MDN1: variants seen among roughly 807,000 people sequenced by gnomAD.
MDN1 encodes the protein midasin.
Under a neutral mutation model 669.2 loss-of-function variants are expected in MDN1, and 266 were observed. That is an observed-to-expected ratio of 0.40 (90% confidence interval 0.36 to 0.44). MDN1 has a LOEUF of 0.44. MDN1 is among the 20% of genes least tolerant of loss of function. MDN1 has a pLI of 1.00. For missense variants in MDN1, 5,940 were observed against 6,754.0 expected, an observed-to-expected ratio of 0.88 and a Z score of 4.22; for synonymous variants, 2,385 against 2,457.1, an observed-to-expected ratio of 0.97 and a Z score of 0.87.
intron 15 of MDN1, among the ~76,000 whole-genome samples, chr6:89,769,325 T>C (rs1396573370): frequency 6.6e-6 from 1 of 152,188 alleles, no homozygotes; most frequent in East Asian, 1.9e-4. Context: ...ACAGAATATA[T>C]GTTAAAAGAT....
At chr6:89,790,527 C>T in intron 5 of MDN1, 126 bp from the exon 6 acceptor site, 1 of 1,141,378 alleles carries the variant, frequency 8.8e-7, no homozygotes. Flanking sequence ...AGTACCAAAA[C>T]TATAATAACA....
intron 53 of MDN1, among the ~76,000 whole-genome samples, chr6:89,703,643 G>A (rs1378033278): frequency 6.6e-6 from 1 of 152,118 alleles, no homozygotes; most frequent in Non-Finnish European, 1.5e-5. Flanking sequence ...TACAAAAAAA[G>A]AAGGACTGGC....
chr6:89,730,728 C>T lies in MDN1; in HGVS notation c.5138G>A (p.Arg1713Lys), dbSNP rs1215571248. Residue 1713 changes from arginine to lysine, a missense_variant and splice_region_variant, in exon 35 of 102, where the codon AGG (arginine) becomes AAG (lysine). This residue lies in a region of MDN1 where 2,292 missense variants were observed against 2,638.3 expected (regional missense o/e 0.87). Transcript: ENST00000369393. ...LWGIHPFFIP[R>K]GPVLHRNNIA... ...CATTTTTTAAAAATCATTCTTACCC[C>T]TTGGTATAAAAAATGGATGAATTCC... The T allele has an allele frequency of 6.2e-7, 1 of 1,611,158 alleles. No homozygotes were observed. Among genetic ancestry groups the T allele is most frequent in the Non-Finnish European group, 8.5e-7 (1 of 1,178,868 alleles).
intron 33 of MDN1, among the ~76,000 whole-genome samples, chr6:89,734,691 A>AAAAACGAGAGAGAGAG (rs1554188774): frequency 2.7e-5 from 3 of 112,996 alleles, no homozygotes; most frequent in African/African-American, 3.5e-5. Context: ...AAAAAAAAAC[A>AAAAACGAGAGAGAGAG]AGAGAGAGAG....
chr6:89,727,011 T>C (rs1410033179), intron 37 of MDN1, among the ~76,000 whole-genome samples: 4 of 152,152 alleles, frequency 2.6e-5, no homozygotes, highest in Non-Finnish European at 5.9e-5. Context: ...GTATGGTCAG[T>C]AGCCTTCAGC....
intron 33 of MDN1, among the ~76,000 whole-genome samples, chr6:89,735,900 G>A (rs1208583471): frequency 6.6e-6 from 1 of 152,076 alleles, no homozygotes; most frequent in Non-Finnish European, 1.5e-5. Context: ...CATGCCTGTA[G>A]TCCCAGCTAC....
intron 1 of MDN1, among the ~76,000 whole-genome samples, chr6:89,817,099 C>T (rs1456215399): frequency 6.6e-6 from 1 of 152,174 alleles, no homozygotes; most frequent in Non-Finnish European, 1.5e-5. Context: ...GCCCCCCTCA[C>T]CCTTCGAGTT....
chr6:89,711,982 T>C, intron 49 of MDN1, 54 bp downstream of exon 49: 3 of 1,426,544 alleles, frequency 2.1e-6, no homozygotes, highest in Non-Finnish European at 2.9e-6. Flanking sequence ...GGCACTTAAA[T>C]AGCATAAGTG....
chr6:89,740,419 A>G, intron 31 of MDN1, 41 bp from the exon 32 acceptor site: 1 of 1,516,516 alleles, frequency 6.6e-7, no homozygotes. Flanking sequence ...GGCTTATACA[A>G]TCTTTCTGTT....
chr6:89,778,838 A>T (rs1818481369), intron 11 of MDN1, among the ~76,000 whole-genome samples: 1 of 151,642 alleles, frequency 6.6e-6, no homozygotes, highest in African/African-American at 2.4e-5. Flanking sequence ...GTGAGCCGAG[A>T]TCACGCCACT....
intron 29 of MDN1, among the ~76,000 whole-genome samples, chr6:89,745,054 CCCT>C (rs1442322675): frequency 2.0e-5 from 3 of 148,570 alleles, no homozygotes; most frequent in Non-Finnish European, 4.5e-5. Flanking sequence ...TTTGCTGCAC[CCCT>C]CAACTCGTGA....
intron 9 of MDN1, among the ~76,000 whole-genome samples, chr6:89,781,862 G>A (rs1818691541): frequency 1.3e-5 from 2 of 152,146 alleles, no homozygotes; most frequent in African/African-American, 4.8e-5. Context: ...CCGTGTGCCT[G>A]TAGTCCCAGG....
chr6:89,734,611 T>TTTGG (rs1333390369), intron 33 of MDN1, among the ~76,000 whole-genome samples: 1 of 142,370 alleles, frequency 7.0e-6, no homozygotes, highest in Non-Finnish European at 1.5e-5. Context: ...AGTGAGTCAA[T>TTTGG]ATTGTGCCAC....
intron 5 of MDN1, among the ~76,000 whole-genome samples, chr6:89,791,374 T>C (rs1233203272): frequency 6.6e-6 from 1 of 152,088 alleles, no homozygotes; most frequent in African/African-American, 2.4e-5. Flanking sequence ...TTAGGTATAA[T>C]AACAATAGCA....
intron 94 of MDN1, 22 bp from the exon 95 acceptor site, chr6:89,652,303 T>C (rs745466323): frequency 1.5e-5 from 24 of 1,605,478 alleles, no homozygotes; most frequent in East Asian, 2.2e-5. Flanking sequence ...AAGCCATAGA[T>C]AAGAGGTGGC....
chr6:89,677,597 A>G lies in MDN1; in HGVS notation c.12512T>C (p.Val4171Ala), dbSNP rs1447264265. Residue 4171 changes from valine to alanine, a missense_variant, in exon 76 of 102, where the codon GTC becomes GCC. By Grantham distance (64) the Val-to-Ala change is moderately conservative. Transcript: ENST00000369393. ...AGAATCAGCCTCCTGAGTGCTGCTG[A>G]CGATGGACAATGCGCTCTGGAGATC... The part of the protein sequence containing the change: ...PLDLQSALSI[V>A]SSTQEADSRL... The G allele has an allele frequency of 1.9e-6, 3 of 1,614,196 alleles. No individual in the cohort carries two copies. Among genetic ancestry groups the G allele is most frequent in the Non-Finnish European group, 2.5e-6 (3 of 1,180,034 alleles).
At chr6:89,685,431 T>C (rs1811941779) in intron 70 of MDN1, among the ~76,000 whole-genome samples, 1 of 152,160 alleles carries the variant, frequency 6.6e-6, no homozygotes, top group South Asian at 2.1e-4. Context: ...TCAGGGATAG[T>C]ACTTGACAGC....
At chr6:89,645,245 T>C in intron 100 of MDN1, 88 bp from the exon 101 acceptor site, 1 of 1,412,276 alleles carries the variant, frequency 7.1e-7, no homozygotes, top group Admixed American at 2.0e-5. Context: ...CAAATTAGTG[T>C]AGGCTTTCTC....
chr6:89,781,605 G>GA lies in MDN1; in HGVS notation c.1450-14dup, dbSNP rs141182670. ...TGCTCTGAAGAACCTGACAGAGGGG[G>GA]AAAAAAAAGAAAATTTAACAGCCAG... is the stretch of plus-strand genomic sequence containing the variant. On this transcript the variant is annotated splice_polypyrimidine_tract_variant and intron_variant, in intron 9 of 101. Coordinates refer to ENST00000369393, the MANE Select transcript of MDN1 (RefSeq NM_014611.3). 19 of 1,532,500 alleles carry GA rather than the reference G, an allele frequency of 1.2e-5. No individual in the cohort carries two copies. The highest frequency in any genetic ancestry group is 5.0e-5 in the South Asian group (4 of 80,084). 94.9% of individuals were successfully genotyped at this position (1,532,500 alleles called of 1,614,324 possible).
Sources: gnomAD v4.1 joint callset for allele counts (sites outside exome capture counted in the v4.1 genomes callset) on GRCh38, gnomAD v4.1.1 for gene constraint, gnomAD v4.1.1 regional missense constraint, MANE v1.5 for transcripts, NCBI Gene and HGNC (gene_info 2026-07-23, HGNC 2026-07-21) for gene names.